The following PDZD8 variants were observed in gnomAD, a reference collection of about 807,000 sequenced individuals.
PDZD8 encodes PDZ domain containing 8, also known as PDZ domain-containing protein 8.
A neutral mutation model predicts 85.8 loss-of-function variants in PDZD8; 14 were observed. The observed-to-expected ratio is 0.16, with a 90% confidence interval of 0.11 to 0.26. The LOEUF is 0.26. Ranked by LOEUF, PDZD8 falls within the 10% of genes least tolerant of loss-of-function variation. The pLI is 1.00. For synonymous variants in PDZD8, 592 were observed against 568.6 expected, an observed-to-expected ratio of 1.04 and a Z score of -0.59; for missense variants, 1,197 against 1,424.3, an observed-to-expected ratio of 0.84 and a Z score of 2.57.
At position 117,281,718 on chromosome 10, in the gene PDZD8, T is replaced by C. The variant is rs1414942841; in HGVS notation, c.*1550A>G. The C allele has an allele frequency of 6.6e-6, 1 of 152,214 alleles. No homozygotes were observed. The highest frequency in any genetic ancestry group is 1.5e-5 in the Non-Finnish European group (1 of 68,034). The allele number at this position is 152,214 out of a possible 1,614,324, so 9.4% of individuals were successfully genotyped here. ...TGGGTCCTTTTGTAACTGCCTATGC[T>C]TACACAGTTCATTAATGGAAGGGCT... On this transcript the variant is annotated 3_prime_UTR_variant, in exon 5 of 5. Coordinates refer to ENST00000334464, the MANE Select transcript of PDZD8 (RefSeq NM_173791.5).
chr10:117,341,811 GCTGA>G (rs1183674856), intron 1 of PDZD8, among the ~76,000 whole-genome samples: 4 of 152,204 alleles, frequency 2.6e-5, no homozygotes, highest in Non-Finnish European at 4.4e-5. Context: ...AATACAGAGA[GCTGA>G]CTATTACAGA....
intron 1 of PDZD8, among the ~76,000 whole-genome samples, chr10:117,349,575 G>A (rs2133860670): frequency 6.6e-6 from 1 of 152,336 alleles, no homozygotes; most frequent in South Asian, 2.1e-4. Context: ...GGCTGAGGCA[G>A]GCGACCTGCT....
chr10:117,310,400 T>G (rs890156737), intron 3 of PDZD8, among the ~76,000 whole-genome samples: 1 of 152,200 alleles, frequency 6.6e-6, no homozygotes, highest in African/African-American at 2.4e-5. Context: ...TTACACCTCA[T>G]ACTCAGTTTC....
In PDZD8 at chr10:117,284,845, T is replaced by C. The variant is rs780937475; in HGVS notation, c.1888A>G (p.Lys630Glu). Residue 630 changes from lysine to glutamate, a missense_variant, in exon 5 of 5, where the codon AAA (lysine) becomes GAA (glutamate). Physicochemically the swap from Lys to Glu is moderately conservative, Grantham distance 56. Transcript: ENST00000334464. ...TTTTTTGCTTGCTTTTCAGCAGATT[T>C]ATCTACAAGAGGAGGTGGCACCACC... Reference protein sequence around the residue: ...EKVVPPPLVDKSAEKQAKNVD... With the variant: ...EKVVPPPLVDESAEKQAKNVD... 2.5e-6 allele frequency: 4 copies of C among 1,614,178 alleles called. No individual in the cohort carries two copies. Among genetic ancestry groups the C allele is most frequent in the Non-Finnish European group, 3.4e-6 (4 of 1,180,016 alleles).
rs773008659 is a variant in PDZD8, at chr10:117,375,124, G to T, written c.104C>A (p.Ala35Glu). The change falls in exon 1 of 5, where the codon GCG becomes GAG. Residue 35 changes from alanine (A) to glutamate (E), a missense_variant. Physicochemically the swap from Ala to Glu is moderately radical, Grantham distance 107. Around this residue, in one of 4 missense-constraint regions of PDZD8, gnomAD observed 172 missense variants for 137.8 expected, o/e 1.25. Coordinates refer to ENST00000334464, the MANE Select transcript of PDZD8 (RefSeq NM_173791.5). ...CTCGCCCGCGCGGGCGGCCTCGTCC[G>T]CCGGCGGCTCGGGCTGTCTGCGGTA... ...LLYRRQPEPP[A>E]DEAARAGEGF... 4 of 1,592,352 alleles carry T rather than the reference G, an allele frequency of 2.5e-6. No homozygotes were observed. Among genetic ancestry groups the T allele is most frequent in the Non-Finnish European group, 3.4e-6 (4 of 1,175,126 alleles).
intron 2 of PDZD8, among the ~76,000 whole-genome samples, chr10:117,322,685 T>C (rs1844246264): frequency 6.6e-6 from 1 of 151,670 alleles, no homozygotes; most frequent in South Asian, 2.1e-4. Context: ...GGGAAAATCA[T>C]TGGCTAGGTT....
intron 2 of PDZD8, among the ~76,000 whole-genome samples, chr10:117,337,210 T>C (rs1403541636): frequency 6.6e-6 from 1 of 152,222 alleles, no homozygotes; most frequent in African/African-American, 2.4e-5. Flanking sequence ...GTATACATGC[T>C]TACATGTTTT....
chr10:117,283,294 A>G lies in PDZD8; in HGVS notation c.3439T>C (p.Leu1147=). The G allele has an allele frequency of 6.2e-7, 1 of 1,612,546 alleles. No individual in the cohort carries two copies. Among genetic ancestry groups the G allele is most frequent in the Non-Finnish European group, 8.5e-7 (1 of 1,179,556 alleles). The change falls in exon 5 of 5, where the codon TTA becomes CTA. Residue 1147 remains leucine (L), a synonymous_variant. Coordinates refer to ENST00000334464, the MANE Select transcript of PDZD8 (RefSeq NM_173791.5). ...SQPFSSISDD[L]FGPSESV Reference sequence around the variant, plus strand: ...TACACAGACTCGGATGGGCCAAATAAGTCATCTGATATGCTGCTGAATGGC... The same window carrying G: ...TACACAGACTCGGATGGGCCAAATAGGTCATCTGATATGCTGCTGAATGGC...
intron 3 of PDZD8, among the ~76,000 whole-genome samples, chr10:117,304,163 T>C (rs1304378259): frequency 6.6e-6 from 1 of 152,222 alleles, no homozygotes; most frequent in African/African-American, 2.4e-5. Context: ...GAGGTGGAGC[T>C]GTCTAAGACC....
At position 117,338,114 on chromosome 10, in the gene PDZD8, G is replaced by C. The variant is rs1322363676; in HGVS notation, c.995+2866C>G. Among the ~76,000 whole-genome samples, 9 of 151,474 alleles carry C rather than the reference G, an allele frequency of 5.9e-5. No individual in the cohort carries two copies. The East Asian group carries it at 1.7e-3, about 29-fold the overall frequency. On this transcript the variant is annotated intron_variant, in intron 2 of 4. Transcript: ENST00000334464. ...TATAAACTTAAAATCTACCTGAACA[G>C]AGTTTTCTGTTTTTATACTAAGAAA...
intron 1 of PDZD8, among the ~76,000 whole-genome samples, chr10:117,351,361 T>C (rs1473519034): frequency 6.6e-6 from 1 of 152,190 alleles, no homozygotes; most frequent in Non-Finnish European, 1.5e-5. Context: ...TCTCACAAAC[T>C]ACTCTTGAGC....
chr10:117,293,785 T>C (rs1441592141), intron 3 of PDZD8, among the ~76,000 whole-genome samples: 1 of 152,156 alleles, frequency 6.6e-6, no homozygotes, highest in African/African-American at 2.4e-5. Flanking sequence ...CAAGTGTACA[T>C]GGTAAGTTCA....
intron 3 of PDZD8, among the ~76,000 whole-genome samples, chr10:117,310,151 C>T (rs1331968009): frequency 6.6e-6 from 1 of 152,154 alleles, no homozygotes; most frequent in East Asian, 1.9e-4. Context: ...TAGTCTCACT[C>T]TTAACTGGGG....
At chr10:117,359,399 G>A (rs183724390) in intron 1 of PDZD8, among the ~76,000 whole-genome samples, 1 of 151,906 alleles carries the variant, frequency 6.6e-6, no homozygotes, top group Non-Finnish European at 1.5e-5. Flanking sequence ...CTGGGTGACA[G>A]AGCGAGACCC....
chr10:117,289,358 TCTAA>T (rs1276236168), intron 4 of PDZD8, among the ~76,000 whole-genome samples: 1 of 152,238 alleles, frequency 6.6e-6, no homozygotes, highest in Non-Finnish European at 1.5e-5. Context: ...TGGGAACTGT[TCTAA>T]CTTATTTATT....
At chr10:117,359,499 C>G (rs1307736226) in intron 1 of PDZD8, among the ~76,000 whole-genome samples, 6 of 151,962 alleles carry the variant, frequency 3.9e-5, no homozygotes, top group Admixed American at 3.3e-4. Flanking sequence ...CACTTGAGGT[C>G]AGGAGTTTGA....
rs1023047177 is a variant in PDZD8, at chr10:117,280,068, G to C, written c.*3200C>G. 6.6e-6 allele frequency: 1 copy of C among 152,000 alleles called. No individual in the cohort carries two copies. The highest frequency in any genetic ancestry group is 2.4e-5 in the African/African-American group (1 of 41,360). 9.4% of individuals were successfully genotyped at this position (152,000 alleles called of 1,614,324 possible). A position where few individuals can be genotyped will look rare whatever the true frequency, so the allele number is the denominator to read the frequency against. On this transcript the variant is annotated 3_prime_UTR_variant, in exon 5 of 5. Transcript: ENST00000334464. ...AAATTCAGCTATACATTTAGAACTT[G>C]ATAGTACCCCTCAAAATTTTTAGGT...
Position 117,278,323 on chromosome 10 carries a change from A to G in PDZD8, c.*4945T>C, listed in dbSNP as rs895212504. 2 of 152,278 alleles carry G rather than the reference A, an allele frequency of 1.3e-5. No individual in the cohort carries two copies. Among genetic ancestry groups the G allele is most frequent in the Admixed American group, 6.5e-5 (1 of 15,286 alleles). 9.4% of individuals were successfully genotyped at this position (152,278 alleles called of 1,614,324 possible). ...TGAAGACAAATTTTAAATGAAAATG[A>G]AGAATGAAATTATGTCTTGAATCAT... On this transcript the variant is annotated 3_prime_UTR_variant, in exon 5 of 5. Transcript: ENST00000334464.
chr10:117,277,361 A>G lies in PDZD8; in HGVS notation c.*5907T>C. ...CAGAACTGTCTTAGTCATACCATCC[A>G]TCCCTGGTGAAAGAGTAAAACCAAA... On this transcript the variant is annotated 3_prime_UTR_variant, in exon 5 of 5. Transcript: ENST00000334464. 1.5e-6 allele frequency: 1 copy of G among 668,368 alleles called. No homozygotes were observed. The allele number at this position is 668,368 out of a possible 1,614,324, so 41.4% of individuals were successfully genotyped here.
Sources: allele counts gnomAD v4.1 joint callset (sites outside exome capture counted in the v4.1 genomes callset), GRCh38; gene constraint gnomAD v4.1.1; regional missense constraint gnomAD v4.1.1; transcripts MANE v1.5; gene names NCBI Gene and HGNC (gene_info 2026-07-23, HGNC 2026-07-21).